The following DNAH11 variants were observed in gnomAD, a reference collection of about 807,000 sequenced individuals.
The protein encoded by DNAH11 is dynein axonemal heavy chain 11.
A neutral mutation model predicts 526.0 loss-of-function variants in DNAH11; 442 were observed. The ratio of observed to expected loss-of-function variants is 0.84; its 90% CI spans 0.78 to 0.91. The LOEUF is 0.91. DNAH11 is among the 40% of genes least tolerant of loss of function. The pLI, the probability that DNAH11 is intolerant of heterozygous loss-of-function variation, is 0.00. For synonymous variants in DNAH11, 2,461 were observed against 1,935.9 expected (o/e 1.27, Z -7.12); for missense variants, 6,989 against 5,448.7 (o/e 1.28, Z -8.90).
chr7:21,737,972 T>C (rs1057138719), intron 46 of DNAH11, among the ~76,000 whole-genome samples: 2 of 152,168 alleles, frequency 1.3e-5, no homozygotes, highest in Non-Finnish European at 2.9e-5. Context: ...ATTTATTTGT[T>C]TGCTCATTTA....
At chr7:21,757,372 T>G (rs895051876) in intron 54 of DNAH11, among the ~76,000 whole-genome samples, 9 of 152,224 alleles carry the variant, frequency 5.9e-5, no homozygotes, top group Admixed American at 1.3e-4. Context: ...ATTATTTTTT[T>G]AGGAAAAGGT....
At chr7:21,783,236 T>C (rs891375964) in intron 57 of DNAH11, among the ~76,000 whole-genome samples, 6 of 152,168 alleles carry the variant, frequency 3.9e-5, no homozygotes, top group African/African-American at 1.2e-4. Context: ...GGTTCTCCGA[T>C]TTACATTAAC....
rs766901693 is a variant in DNAH11 at position 21,639,012 on chromosome 7, G to T, written c.4891G>T (p.Val1631Phe). ...CATAGCCTTTCCTCGCTTCTATTTC[G>T]TCTCTTCTGCTGATTTACTTGACAT... ...KRIAFPRFYF[V>F]SSADLLDILS... Residue 1631 changes from valine (V) to phenylalanine (F), a missense_variant, in exon 28 of 82, where the codon GTC (valine) becomes TTC (phenylalanine). By Grantham distance (50) the Val-to-Phe change is conservative (BLOSUM62 -1). Coordinates refer to ENST00000409508, the MANE Select transcript of DNAH11 (RefSeq NM_001277115.2). The T allele has an allele frequency of 6.2e-7, 1 of 1,613,514 alleles. No individual in the cohort carries two copies. Among genetic ancestry groups the T allele is most frequent in the African/African-American group, 1.3e-5 (1 of 74,996 alleles).
At chr7:21,614,930 ACT>A (rs1785694251) in intron 20 of DNAH11, among the ~76,000 whole-genome samples, 182 bp from the exon 21 acceptor site, 1 of 152,160 alleles carries the variant, frequency 6.6e-6, no homozygotes, top group Non-Finnish European at 1.5e-5. Context: ...ATCTGTTCTC[ACT>A]TTTTGTGCAG....
At chr7:21,604,954 G>C (rs1785227316) in intron 18 of DNAH11, among the ~76,000 whole-genome samples, 5 of 152,166 alleles carry the variant, frequency 3.3e-5, no homozygotes, top group Admixed American at 3.3e-4. Context: ...AGGTCCCTTG[G>C]TTCCTGAGCT....
chr7:21,581,813 G>A (rs1157691087), intron 8 of DNAH11, 92 bp from the exon 9 acceptor site: 1 of 762,202 alleles, frequency 1.3e-6, no homozygotes, highest in African/African-American at 1.7e-5. Flanking sequence ...GAGCGAGCGA[G>A]AGAGAGCTAA....
intron 74 of DNAH11, among the ~76,000 whole-genome samples, chr7:21,879,127 T>C (rs1487531665): frequency 6.6e-6 from 1 of 152,122 alleles, no homozygotes; most frequent in Non-Finnish European, 1.5e-5. Flanking sequence ...CATGCCAGGA[T>C]TCCATTTTCC....
At chr7:21,900,574 G>A (rs1181958863) in intron 81 of DNAH11, among the ~76,000 whole-genome samples, 2 of 152,150 alleles carry the variant, frequency 1.3e-5, no homozygotes, top group Non-Finnish European at 2.9e-5. Context: ...AAATTTATCT[G>A]GCCATGCATT....
intron 45 of DNAH11, among the ~76,000 whole-genome samples, 166 bp downstream of exon 45, chr7:21,726,150 A>G (rs1785095078): frequency 6.6e-6 from 1 of 152,230 alleles, no homozygotes; most frequent in African/African-American, 2.4e-5. Flanking sequence ...GGAAGGCCTC[A>G]GAAAATCACA....
intron 4 of DNAH11, 146 bp from the exon 5 acceptor site, chr7:21,560,925 T>C (rs1233635505): frequency 1.6e-6 from 1 of 614,148 alleles, no homozygotes; most frequent in Non-Finnish European, 2.7e-6. Flanking sequence ...AAAATTATTT[T>C]CAACTGGAAA....
intron 76 of DNAH11, among the ~76,000 whole-genome samples, chr7:21,885,607 A>AT (rs941461715): frequency 1.3e-5 from 2 of 152,054 alleles, no homozygotes; most frequent in African/African-American, 4.8e-5. Flanking sequence ...AGAAGAGAGG[A>AT]TTTTGTATGT....
rs755769721 is a variant in DNAH11 at position 21,591,593 on chromosome 7, C to G, written c.2667+16C>G. On this transcript the variant is annotated intron_variant, in intron 14 of 81. Transcript: ENST00000409508. The stretch of plus-strand genomic sequence containing the variant: ...CTTGGTCGAGGTAATGGCTTTTAAC[C>G]TTTCAAGATTTATAGATCTTTTCAT... 1.3e-6 allele frequency: 2 copies of G among 1,508,860 alleles called. No individual in the cohort carries two copies. The highest frequency in any genetic ancestry group is 1.4e-5 in the African/African-American group (1 of 71,774). 93.5% of individuals were successfully genotyped at this position (1,508,860 alleles called of 1,614,324 possible).
At chr7:21,661,965 C>T (rs904608541) in intron 30 of DNAH11, among the ~76,000 whole-genome samples, 4 of 151,934 alleles carry the variant, frequency 2.6e-5, no homozygotes, top group African/African-American at 9.7e-5. Flanking sequence ...ATTACAGGCA[C>T]CCTCCATTAT....
In DNAH11 at chr7:21,619,941, A is replaced by ATG. The variant is rs1446600460; in HGVS notation, c.4378-14_4378-13insGT. The ATG allele has an allele frequency of 7.1e-7, 1 of 1,400,730 alleles. No homozygotes were observed. Among genetic ancestry groups the ATG allele is most frequent in the Admixed American group, 2.1e-5 (1 of 48,454 alleles). 86.8% of individuals were successfully genotyped at this position (1,400,730 alleles called of 1,614,324 possible). Reference sequence around the variant, plus strand: ...ATTAAATTTTGTGCACATTAATTATATTGTTGATTACTAGGTTATTACTGA... The same window carrying ATG: ...ATTAAATTTTGTGCACATTAATTATATGTTGTTGATTACTAGGTTATTACTGA... On this transcript the variant is annotated splice_polypyrimidine_tract_variant and intron_variant, in intron 24 of 81. Transcript: ENST00000409508.
chr7:21,873,164 A>C (rs926289940), intron 73 of DNAH11, 110 bp from the exon 74 acceptor site: 4 of 997,540 alleles, frequency 4.0e-6, no homozygotes, highest in African/African-American at 1.7e-5. Context: ...GGAAAATTTG[A>C]ATCATGGTTC....
intron 45 of DNAH11, among the ~76,000 whole-genome samples, chr7:21,730,973 G>C (rs1785356792): frequency 6.6e-6 from 1 of 151,962 alleles, no homozygotes; most frequent in Admixed American, 6.6e-5. Flanking sequence ...GCGAAACCCG[G>C]TCTCTACTAA....
intron 30 of DNAH11, among the ~76,000 whole-genome samples, chr7:21,675,195 T>G (rs1782824125): frequency 6.6e-6 from 1 of 152,246 alleles, no homozygotes; most frequent in South Asian, 2.1e-4. Context: ...TTGTCCTAAC[T>G]GAGCTGGGCA....
Position 21,561,137 on chromosome 7 carries a change from A to T in DNAH11, c.949A>T (p.Thr317Ser). The T allele has an allele frequency of 6.3e-7, 1 of 1,599,568 alleles. No homozygotes were observed. The change falls in exon 5 of 82, where the codon ACT becomes TCT. Residue 317 changes from threonine to serine, a missense_variant. By Grantham distance (58) the Thr-to-Ser change is moderately conservative. Transcript: ENST00000409508. ...LTTKQSSYFP[T>S]LKDIFLAVEN... ...AACTAAACAAAGCAGCTATTTTCCT[A>T]CTCTGAAGGACATTTTTCTGGCTGT...
chr7:21,611,130 A>G lies in DNAH11; in HGVS notation c.3853-3984A>G, dbSNP rs144263857. On this transcript the variant is annotated intron_variant, in intron 20 of 81. Coordinates refer to ENST00000409508, the MANE Select transcript of DNAH11 (RefSeq NM_001277115.2). Reference sequence around the variant, plus strand: ...CTGCAGTGCGGGTGGGCATTGTCCAATTGGCTGGGGGCCCAGATAGAAGAA... The same window carrying G: ...CTGCAGTGCGGGTGGGCATTGTCCAGTTGGCTGGGGGCCCAGATAGAAGAA... 5.1e-4 allele frequency among the ~76,000 whole-genome samples: 77 copies of G among 152,250 alleles called. 1 individual carries two copies. The highest frequency in any genetic ancestry group is 5.0e-3 in the East Asian group (26 of 5,172).
Sources: allele counts gnomAD v4.1 joint callset (sites outside exome capture counted in the v4.1 genomes callset), GRCh38; gene constraint gnomAD v4.1.1; transcripts MANE v1.5; gene names NCBI Gene and HGNC (gene_info 2026-07-23, HGNC 2026-07-21).